RIC8B: variants seen among roughly 807,000 people sequenced by gnomAD.
The protein encoded by RIC8B is chaperone Ric-8B.
Under a neutral mutation model 57.5 loss-of-function variants are expected in RIC8B, and 16 were observed. The ratio of observed to expected loss-of-function variants is 0.28; its 90% CI spans 0.19 to 0.42. The LOEUF is 0.42. Ranked by LOEUF, RIC8B falls within the 10% of genes least tolerant of loss-of-function variation. RIC8B has a pLI of 1.00. For missense variants in RIC8B, 481 were observed against 677.0 expected (o/e 0.71, Z 3.21); for synonymous variants, 216 against 250.8 (o/e 0.86, Z 1.31).
intron 3 of RIC8B, 136 bp from the exon 4 acceptor site, chr12:106,825,589 TC>T (rs1446460511): frequency 3.2e-6 from 2 of 615,436 alleles, no homozygotes; most frequent in African/African-American, 3.7e-5. Context: ...CAGGAATTCT[TC>T]CTAGGATATT....
In RIC8B at chr12:106,838,998, A is replaced by C. The variant is rs531130865; in HGVS notation, c.837-3591A>C. ...AGAAGGGTTATTCCAAAAAAAAAAA[A>C]AAAACCTCAAAAAACAAAAGATAAT... On this transcript the variant is annotated intron_variant, in intron 4 of 9. Coordinates refer to ENST00000392837, the MANE Select transcript of RIC8B (RefSeq NM_001330145.2). 3.3e-5 allele frequency among the ~76,000 whole-genome samples: 5 copies of C among 152,146 alleles called. No homozygotes were observed. In the South Asian group the frequency reaches 1.0e-3, roughly 32 times the overall value.
intron 8 of RIC8B, among the ~76,000 whole-genome samples, chr12:106,864,194 G>T (rs1950047696): frequency 6.6e-6 from 1 of 152,004 alleles, no homozygotes; most frequent in Non-Finnish European, 1.5e-5. Flanking sequence ...TCAGAAACTG[G>T]TATCTCTTCA....
At chr12:106,841,241 T>G (rs967315507) in intron 4 of RIC8B, among the ~76,000 whole-genome samples, 1 of 152,192 alleles carries the variant, frequency 6.6e-6, no homozygotes, top group Non-Finnish European at 1.5e-5. Flanking sequence ...TAGGAACCAT[T>G]TATTCATATG....
intron 7 of RIC8B, among the ~76,000 whole-genome samples, chr12:106,854,344 T>C (rs1419401314): frequency 6.6e-6 from 1 of 151,880 alleles, no homozygotes; most frequent in Non-Finnish European, 1.5e-5. Flanking sequence ...AAAATAAATT[T>C]CAAATAATTT....
At chr12:106,787,835 AC>A (rs1216374591) in intron 2 of RIC8B, among the ~76,000 whole-genome samples, 4 of 152,152 alleles carry the variant, frequency 2.6e-5, no homozygotes, top group Non-Finnish European at 5.9e-5. Context: ...GGGTGAGGAC[AC>A]AGAGCCAAAC....
intron 9 of RIC8B, chr12:106,873,271 C>T (rs373748625): frequency 7.0e-6 from 5 of 713,976 alleles, no homozygotes; most frequent in East Asian, 1.3e-4. Flanking sequence ...CAAAAGGCAA[C>T]CTTGAGAATA....
chr12:106,877,080 G>A (rs1211112435), intron 9 of RIC8B, among the ~76,000 whole-genome samples: 1 of 151,892 alleles, frequency 6.6e-6, no homozygotes, highest in Non-Finnish European at 1.5e-5. Context: ...AATTAGGTGG[G>A]TAGCAGATTT....
At chr12:106,808,803 C>T (rs2045187520) in intron 2 of RIC8B, among the ~76,000 whole-genome samples, 1 of 152,082 alleles carries the variant, frequency 6.6e-6, no homozygotes, top group South Asian at 2.1e-4. Context: ...ATCTTTTAAA[C>T]AAAGACATTT....
intron 7 of RIC8B, among the ~76,000 whole-genome samples, chr12:106,858,044 CG>C (rs948411723): frequency 6.6e-6 from 1 of 152,036 alleles, no homozygotes; most frequent in African/African-American, 2.4e-5. Context: ...ATAAAATTGC[CG>C]GGGGCTTTTA....
chr12:106,817,287 T>C (rs748208241), intron 3 of RIC8B, among the ~76,000 whole-genome samples: 1 of 152,164 alleles, frequency 6.6e-6, no homozygotes, highest in Non-Finnish European at 1.5e-5. Context: ...AGTAAACAAA[T>C]ATATAATTCA....
At chr12:106,774,901 T>C in intron 1 of RIC8B, 72 bp downstream of exon 1, 1 of 1,106,022 alleles carries the variant, frequency 9.0e-7, no homozygotes, top group Non-Finnish European at 1.3e-6. Flanking sequence ...CATCGCATCC[T>C]TCCCCACCCC....
chr12:106,879,957 AAGG>A lies in RIC8B; in HGVS notation c.1572-5944_1572-5942del. On this transcript the variant is annotated intron_variant, in intron 9 of 9. Coordinates refer to ENST00000392837, the MANE Select transcript of RIC8B (RefSeq NM_001330145.2). This position sits in a 1 kb window ranked among gnomAD's most constrained non-coding sequence, Gnocchi z 4.9. ...GTGTGTAGCATTGAAGGTAAGTATG[AAGG>A]AGTTGTTGCTATGTGAATATCTTAA... is the stretch of plus-strand genomic sequence containing the variant. 1.0e-6 allele frequency: 1 copy of A among 985,300 alleles called. No individual in the cohort carries two copies. The highest frequency in any genetic ancestry group is 1.2e-6 in the Non-Finnish European group (1 of 829,804). 61.0% of individuals were successfully genotyped at this position (985,300 alleles called of 1,614,324 possible). A position where few individuals can be genotyped will look rare whatever the true frequency, so the allele number is the denominator to read the frequency against.
Position 106,783,982 on chromosome 12 carries a change from T to C in RIC8B, c.85-15T>C. ...TGTATTTAAAATGACATTGTTTCCC[T>C]TTTTTCCCCCTCAGCATAGGGCTAC... On this transcript the variant is annotated splice_polypyrimidine_tract_variant and intron_variant, in intron 1 of 9. Coordinates refer to ENST00000392837, the MANE Select transcript of RIC8B (RefSeq NM_001330145.2). The C allele has an allele frequency of 6.2e-7, 1 of 1,606,658 alleles. No homozygotes were observed. Among genetic ancestry groups the C allele is most frequent in the South Asian group, 1.1e-5 (1 of 90,118 alleles).
intron 7 of RIC8B, among the ~76,000 whole-genome samples, chr12:106,859,281 T>C (rs1257186798): frequency 6.6e-6 from 1 of 152,166 alleles, no homozygotes; most frequent in Non-Finnish European, 1.5e-5. Flanking sequence ...AGTTATTGCT[T>C]AGTATCTTCC....
chr12:106,791,323 T>G (rs907130008), intron 2 of RIC8B, among the ~76,000 whole-genome samples: 1 of 152,230 alleles, frequency 6.6e-6, no homozygotes, highest in Admixed American at 6.5e-5. Context: ...TATATTACAA[T>G]AGATTATAAT....
chr12:106,846,946 T>C (rs1026881847), intron 6 of RIC8B, among the ~76,000 whole-genome samples: 1 of 152,212 alleles, frequency 6.6e-6, no homozygotes, highest in Non-Finnish European at 1.5e-5. Flanking sequence ...TAGACTGTTA[T>C]GATCAAGAAA....
At chr12:106,843,705 G>A (rs1467747352) in intron 5 of RIC8B, 147 bp from the exon 6 acceptor site, 6 of 546,504 alleles carry the variant, frequency 1.1e-5, no homozygotes, top group Non-Finnish European at 1.8e-5. Context: ...CTGGGCAACA[G>A]AGGGAGACTC....
intron 1 of RIC8B, among the ~76,000 whole-genome samples, chr12:106,781,398 A>T (rs1447719976): frequency 1.3e-5 from 2 of 152,220 alleles, no homozygotes; most frequent in Non-Finnish European, 2.9e-5. Context: ...TTTCAGCCTT[A>T]GAAAGGGGAG....
intron 1 of RIC8B, among the ~76,000 whole-genome samples, chr12:106,780,938 T>G (rs1253621445): frequency 6.6e-6 from 1 of 152,196 alleles, no homozygotes; most frequent in Non-Finnish European, 1.5e-5. Context: ...TTGAATAACT[T>G]GACCAAGTTT....
Sources: allele counts gnomAD v4.1 joint callset (sites outside exome capture counted in the v4.1 genomes callset), GRCh38; gene constraint gnomAD v4.1.1; non-coding constraint Gnocchi (gnomAD v3.1); transcripts MANE v1.5; gene names NCBI Gene and HGNC (gene_info 2026-07-23, HGNC 2026-07-21).